Variants in KPNA2 observed in about 807,000 individuals in gnomAD.
KPNA2 encodes the protein importin subunit alpha-1.
In KPNA2, 20 loss-of-function variants were observed where a neutral mutation model predicts 53.7. The observed-to-expected ratio is 0.37, with a 90% CI of 0.26 to 0.54. The LOEUF is 0.54. Among genes scored for constraint, KPNA2 ranks in the 20% least tolerant of loss-of-function variants. The pLI is 0.83. For synonymous variants in KPNA2, 238 were observed against 227.5 expected, an observed-to-expected ratio of 1.05 and a Z score of -0.42; for missense variants, 515 against 640.3, an observed-to-expected ratio of 0.80 and a Z score of 2.11.
intron 3 of KPNA2, among the ~76,000 whole-genome samples, chr17:68,039,443 C>T (rs1555704220): frequency 1.3e-5 from 2 of 151,330 alleles, no homozygotes; most frequent in African/African-American, 4.8e-5. Flanking sequence ...TTTATATTTG[C>T]AGCAACACTT....
At position 68,043,237 on chromosome 17, in the gene KPNA2, A is replaced by G; in HGVS notation, c.804A>G (p.Leu268=). ...RLLHHDDPEV[L]ADTCWAISYL... is the part of the protein sequence containing the mutation. ...TGCATCATGATGATCCAGAAGTATT[A>G]GCAGATACCTGCTGGGCTATTTCCT... Residue 268 remains leucine, a synonymous_variant, in exon 7 of 11, where the codon TTA becomes TTG. Transcript: ENST00000330459. 1.2e-6 allele frequency: 2 copies of G among 1,614,192 alleles called. No individual in the cohort carries two copies. The highest frequency in any genetic ancestry group is 2.2e-5 in the South Asian group (2 of 91,086).
chr17:68,040,508 C>G lies in KPNA2; in HGVS notation c.214-170C>G, dbSNP rs182859512. Among the ~76,000 whole-genome samples the G allele has an allele frequency of 2.3e-3, 352 of 152,234 alleles. 1 individual carries two copies. Among genetic ancestry groups the G allele is most frequent in the Non-Finnish European group, 3.1e-3 (211 of 68,014 alleles). On this transcript the variant is annotated intron_variant, in intron 3 of 10. Transcript: ENST00000330459. Reference sequence around the variant, plus strand: ...CATGACAACAAGTTTGGAAACTGTTCTACATATAAAATAATGAATATTTAA... The same window carrying G: ...CATGACAACAAGTTTGGAAACTGTTGTACATATAAAATAATGAATATTTAA...
chr17:68,037,338 G>A lies in KPNA2; in HGVS notation c.76-20G>A, dbSNP rs372555369. ...AAAAACTGGTGTGATAGGTGAAACG[G>A]CATGTTATCTTTTCTCAAGGAAATG... On this transcript the variant is annotated intron_variant, in intron 2 of 10. Transcript: ENST00000330459. The A allele has an allele frequency of 3.7e-6, 6 of 1,607,914 alleles. No homozygotes were observed. Among genetic ancestry groups the A allele is most frequent in the African/African-American group, 1.3e-5 (1 of 74,614 alleles).
At chr17:68,037,240 A>G (rs782679714) in intron 2 of KPNA2, 33 bp downstream of exon 2, 3 of 1,591,740 alleles carry the variant, frequency 1.9e-6, no homozygotes, top group African/African-American at 1.4e-5. Flanking sequence ...CTGTGGTGGT[A>G]TTTAAATGGG....
rs1555705127 is a variant in KPNA2 at position 68,044,332 on chromosome 17, G to A, written c.1176G>A (p.Lys392=). The change falls in exon 9 of 11, where the codon AAG becomes AAA. Residue 392 remains lysine (K), a synonymous_variant. Transcript: ENST00000330459. ...LVSVLSKADF[K]TQKEAVWAVT... ...CTTATGTTTAATAGGCAGATTTTAA[G>A]ACACAAAAGGAAGCTGTGTGGGCCG... The A allele has an allele frequency of 6.2e-7, 1 of 1,611,032 alleles. No individual in the cohort carries two copies. Among genetic ancestry groups the A allele is most frequent in the African/African-American group, 1.3e-5 (1 of 74,790 alleles).
In KPNA2 at chr17:68,043,974, C is replaced by T. The variant is rs138064111; in HGVS notation, c.1067C>T (p.Thr356Met). The T allele has an allele frequency of 1.4e-4, 231 of 1,613,874 alleles. 2 individuals carry two copies. The East Asian group carries it at 2.9e-3, about 20-fold the overall frequency. The change falls in exon 8 of 11, where the codon ACG (threonine) becomes ATG (methionine). Residue 356 changes from threonine (T) to methionine (M), a missense_variant. Coordinates refer to ENST00000330459, the MANE Select transcript of KPNA2 (RefSeq NM_002266.4). ...AAAACTAACATTCAGAAGGAAGCTA[C>T]GTGGACAATGTCAAACATCACAGCC... ...NPKTNIQKEA[T>M]WTMSNITAGR...
intron 1 of KPNA2, chr17:68,036,334 G>A (rs1338596319): frequency 1.3e-5 from 2 of 152,274 alleles, no homozygotes; most frequent in Non-Finnish European, 2.9e-5. Flanking sequence ...ATGACGCACA[G>A]CTGATGTCAT....
Position 68,037,383 on chromosome 17 carries a change from T to G in KPNA2, c.101T>G (p.Val34Gly). ...GAAATGAGGCGTCGCAGAATAGAGGTCAATGTGGAGCTGAGGAAAGCTAAG... is the reference window on the plus strand; with the variant it reads ...GAAATGAGGCGTCGCAGAATAGAGGGCAATGTGGAGCTGAGGAAAGCTAAG... The part of the protein sequence containing the change: ...STEMRRRRIE[V>G]NVELRKAKKD... The change falls in exon 3 of 11, where the codon GTC becomes GGC. Residue 34 changes from valine to glycine, a missense_variant. Coordinates refer to ENST00000330459, the MANE Select transcript of KPNA2 (RefSeq NM_002266.4). The G allele has an allele frequency of 6.2e-7, 1 of 1,613,710 alleles. No homozygotes were observed. The highest frequency in any genetic ancestry group is 8.5e-7 in the Non-Finnish European group (1 of 1,179,894).
chr17:68,039,148 C>T (rs1194992068), intron 3 of KPNA2, among the ~76,000 whole-genome samples: 2 of 151,612 alleles, frequency 1.3e-5, no homozygotes, highest in African/African-American at 2.4e-5. Flanking sequence ...TGAGACAAAA[C>T]CTTGGTTTGT....
intron 4 of KPNA2, among the ~76,000 whole-genome samples, chr17:68,041,364 C>G (rs1434549090): frequency 6.6e-6 from 1 of 152,076 alleles, no homozygotes; most frequent in African/African-American, 2.4e-5. Flanking sequence ...GAGTTTGAGA[C>G]CAGCCTGGGC....
intron 3 of KPNA2, among the ~76,000 whole-genome samples, chr17:68,038,299 G>A (rs2071214942): frequency 6.6e-6 from 1 of 151,952 alleles, no homozygotes. Flanking sequence ...GTAGAGGCGG[G>A]GTTTCACCAT....
At chr17:68,036,894 T>A (rs2144205234) in intron 1 of KPNA2, 1 of 425,546 alleles carries the variant, frequency 2.3e-6, no homozygotes, top group East Asian at 4.5e-5. Context: ...CTATTTCTGA[T>A]GGAGAGCCCT....
At position 68,043,683 on chromosome 17, in the gene KPNA2, CAAA is replaced by C. The variant is rs35815075; in HGVS notation, c.931-141_931-139del. Reference sequence around the variant, plus strand: ...ATCGTGCCATTATACTCCAGTCTCTCAAAAAAAAAAAAAAAAGCATAATCAGTT... The same window carrying C: ...ATCGTGCCATTATACTCCAGTCTCTCAAAAAAAAAAAAAGCATAATCAGTT... On this transcript the variant is annotated intron_variant, in intron 7 of 10. Coordinates refer to ENST00000330459, the MANE Select transcript of KPNA2 (RefSeq NM_002266.4). Among the ~76,000 whole-genome samples, 1,071 of 141,434 alleles carry C rather than the reference CAAA, an allele frequency of 7.6e-3. 6 individuals carry two copies. The highest frequency in any genetic ancestry group is 0.017 in the African/African-American group (661 of 38,242). The allele number at this position is 141,434 out of a possible 152,430, so 92.8% of individuals were successfully genotyped here.
rs371263901 is a variant in KPNA2 at position 68,037,525 on chromosome 17, C to A, written c.213+30C>A. On this transcript the variant is annotated intron_variant, in intron 3 of 10. Coordinates refer to ENST00000330459, the MANE Select transcript of KPNA2 (RefSeq NM_002266.4). The stretch of plus-strand genomic sequence containing the variant: ...AAAATGTATTTTAGTTTATGAGTTA[C>A]GTGAAATCCAGAAAATCAGTAGGGA... 5 of 1,597,270 alleles carry A rather than the reference C, an allele frequency of 3.1e-6. No individual in the cohort carries two copies. In the African/African-American group the frequency reaches 5.4e-5, roughly 17 times the overall value.
At chr17:68,041,298 T>G (rs1374917496) in intron 4 of KPNA2, among the ~76,000 whole-genome samples, 4 of 152,248 alleles carry the variant, frequency 2.6e-5, no homozygotes, top group Non-Finnish European at 4.4e-5. Flanking sequence ...GTGCTGTGGC[T>G]CATTCCTGTA....
At chr17:68,045,668 T>G (rs1555705295) in intron 9 of KPNA2, 104 bp from the exon 10 acceptor site, 1 of 819,142 alleles carries the variant, frequency 1.2e-6, no homozygotes, top group Non-Finnish European at 1.9e-6. Flanking sequence ...AATTGTTAGG[T>G]GCTTATTTCT....
intron 10 of KPNA2, 49 bp downstream of exon 10, chr17:68,045,970 AG>A: frequency 7.9e-7 from 1 of 1,257,892 alleles, no homozygotes; most frequent in East Asian, 2.4e-5. Flanking sequence ...CATAAAGTCA[AG>A]GCCATAAGCC....
intron 1 of KPNA2, 116 bp from the exon 2 acceptor site, chr17:68,036,994 C>G (rs2071197451): frequency 2.7e-6 from 2 of 737,690 alleles, no homozygotes; most frequent in African/African-American, 1.8e-5. Flanking sequence ...GATGATCCCC[C>G]CTCTAGTATA....
At chr17:68,040,257 GAT>G (rs2071242301) in intron 3 of KPNA2, among the ~76,000 whole-genome samples, 1 of 147,672 alleles carries the variant, frequency 6.8e-6, no homozygotes, top group African/African-American at 2.6e-5. Flanking sequence ...ACCATGCCTG[GAT>G]ATTTTTTTTT....
Sources: gnomAD v4.1 joint callset for allele counts (sites outside exome capture counted in the v4.1 genomes callset) on GRCh38, gnomAD v4.1.1 for gene constraint, MANE v1.5 for transcripts, NCBI Gene and HGNC (gene_info 2026-07-23, HGNC 2026-07-21) for gene names.